The following SYNE2 variants were observed in gnomAD, a reference collection of about 807,000 sequenced individuals.
The protein encoded by SYNE2 is nesprin-2.
In SYNE2, 431 loss-of-function variants were observed where a neutral mutation model predicts 856.3. The ratio of observed to expected loss-of-function variants is 0.50; its 90% CI spans 0.47 to 0.55. SYNE2 has a LOEUF of 0.55. Among genes scored for constraint, SYNE2 ranks in the 20% least tolerant of loss-of-function variants. The pLI, the probability that SYNE2 is intolerant of heterozygous loss-of-function variation, is 0.00. For synonymous variants in SYNE2, 2,923 were observed against 2,872.3 expected (o/e 1.02, Z -0.56); for missense variants, 8,129 against 8,023.2 (o/e 1.01, Z -0.50).
intron 103 of SYNE2, among the ~76,000 whole-genome samples, chr14:64,210,424 C>T (rs1567654397): frequency 1.3e-5 from 2 of 152,276 alleles, no homozygotes; most frequent in South Asian, 2.1e-4. Context: ...GAGTCCAGGG[C>T]GCCGCTTCGC....
At chr14:64,104,164 T>G (rs1198602782) in intron 64 of SYNE2, among the ~76,000 whole-genome samples, 1 of 152,310 alleles carries the variant, frequency 6.6e-6, no homozygotes, top group East Asian at 1.9e-4. Flanking sequence ...CGGCCCCTTT[T>G]GTAATCTTGT....
At chr14:63,824,287 A>G (rs1463193057) in intron 1 of SYNE2, among the ~76,000 whole-genome samples, 1 of 151,658 alleles carries the variant, frequency 6.6e-6, no homozygotes, top group Non-Finnish European at 1.5e-5. Context: ...TCAAGGCTAC[A>G]GTGAGCTGTG....
chr14:64,023,547 C>T (rs2096953751), intron 38 of SYNE2: 1 of 152,394 alleles, frequency 6.6e-6, no homozygotes, highest in African/African-American at 2.4e-5. Flanking sequence ...CATCTTTTTC[C>T]AGTTATATTT....
At chr14:64,103,590 T>C (rs2097752328) in intron 64 of SYNE2, among the ~76,000 whole-genome samples, 3 of 152,132 alleles carry the variant, frequency 2.0e-5, no homozygotes. Context: ...CCCCTCCCCC[T>C]GCTCTCAGGC....
chr14:64,196,343 T>G (rs1480499779), intron 99 of SYNE2, among the ~76,000 whole-genome samples: 2 of 152,182 alleles, frequency 1.3e-5, no homozygotes, highest in Admixed American at 1.3e-4. Flanking sequence ...CCGAAGAAAC[T>G]GAGGCTATAA....
At chr14:64,027,364 G>A (rs2096988888) in intron 42 of SYNE2, 120 bp from the exon 43 acceptor site, 2 of 640,386 alleles carry the variant, frequency 3.1e-6, no homozygotes, top group Non-Finnish European at 5.2e-6. Flanking sequence ...AAGAGTCTCT[G>A]GGAACAATGT....
chr14:64,154,493 A>G (rs1437419227), intron 85 of SYNE2, among the ~76,000 whole-genome samples: 2 of 152,140 alleles, frequency 1.3e-5, no homozygotes, highest in Non-Finnish European at 2.9e-5. Context: ...AAATGACCAA[A>G]TGGAAAAAAT....
upstream of SYNE2, among the ~76,000 whole-genome samples, chr14:63,852,405 A>C (rs1184489095): frequency 6.6e-6 from 1 of 152,110 alleles, no homozygotes; most frequent in Non-Finnish European, 1.5e-5. Flanking sequence ...GATGTATGTC[A>C]GGTCGGACGA....
Position 64,225,609 on chromosome 14 carries a change from CTTAGTGTT to C in SYNE2, c.*84_*91del. On this transcript the variant is annotated 3_prime_UTR_variant, in exon 116 of 116. Coordinates refer to ENST00000555002, the MANE Select transcript of SYNE2 (RefSeq NM_182914.3). ...CGTGGCCCCAGACCAATCTGAGTGACTTAGTGTTGGCAAGGTCCCGGGACCTGTGCAGA... is the reference window on the plus strand; with the variant it reads ...CGTGGCCCCAGACCAATCTGAGTGACGGCAAGGTCCCGGGACCTGTGCAGA... 6.8e-7 allele frequency: 1 copy of C among 1,461,656 alleles called. No individual in the cohort carries two copies. Among genetic ancestry groups the C allele is most frequent in the Non-Finnish European group, 9.5e-7 (1 of 1,056,728 alleles). 90.5% of individuals were successfully genotyped at this position (1,461,656 alleles called of 1,614,324 possible).
In SYNE2 at chr14:64,212,965, G is replaced by T; in HGVS notation, c.19016G>T (p.Arg6339Met). ...CGCTACTGCCAGGAGGTGTTTGGAAGGGTCTCCCGGTTCCACCGGCGGCTC... is the reference window on the plus strand; with the variant it reads ...CGCTACTGCCAGGAGGTGTTTGGAATGGTCTCCCGGTTCCACCGGCGGCTC... The part of the protein sequence containing the change: ...LHRYCQEVFG[R>M]VSRFHRRLTS... Residue 6339 changes from arginine (R) to methionine (M), a missense_variant, in exon 105 of 116, where the codon AGG (arginine) becomes ATG (methionine). Arg to Met is a moderately conservative substitution (Grantham distance 91). Around this residue, in one of 3 missense-constraint regions of SYNE2, gnomAD observed 5,410 missense variants for 5,284.8 expected, o/e 1.02. Transcript: ENST00000555002. The T allele has an allele frequency of 6.2e-7, 1 of 1,614,082 alleles. No homozygotes were observed. Among genetic ancestry groups the T allele is most frequent in the Non-Finnish European group, 8.5e-7 (1 of 1,180,018 alleles).
chr14:64,167,025 C>T (rs879226506), intron 90 of SYNE2: 7 of 605,368 alleles, frequency 1.2e-5, no homozygotes, highest in East Asian at 2.8e-5. Context: ...GGGTGCTGGC[C>T]GTGTTGCAGG....
chr14:63,831,643 C>T (rs1042412728), intron 1 of SYNE2, among the ~76,000 whole-genome samples: 3 of 149,386 alleles, frequency 2.0e-5, no homozygotes, highest in Non-Finnish European at 3.0e-5. Context: ...GAAACCTCCA[C>T]CTCCTGGGTT....
At chr14:63,971,569 C>T (rs2096477465) in intron 11 of SYNE2, among the ~76,000 whole-genome samples, 1 of 151,418 alleles carries the variant, frequency 6.6e-6, no homozygotes, top group Non-Finnish European at 1.5e-5. Context: ...ATCCTCAGGA[C>T]CATGTTATCA....
In SYNE2 at chr14:63,978,088, C is replaced by G. The variant is rs540950239; in HGVS notation, c.1406+71C>G. 7 of 961,916 alleles carry G rather than the reference C, an allele frequency of 7.3e-6. No individual in the cohort carries two copies. The Admixed American group carries it at 1.2e-4, about 17-fold the overall frequency. The allele number at this position is 961,916 out of a possible 1,614,324, so 59.6% of individuals were successfully genotyped here. ...GAGTAACAACTGATACTACAGGGACCACAAAATACAGATTTTTAGATAATT... is the reference window on the plus strand; with the variant it reads ...GAGTAACAACTGATACTACAGGGACGACAAAATACAGATTTTTAGATAATT... On this transcript the variant is annotated intron_variant, in intron 13 of 115. Coordinates refer to ENST00000555002, the MANE Select transcript of SYNE2 (RefSeq NM_182914.3).
At chr14:64,214,150 G>A in intron 105 of SYNE2, 44 bp from the exon 106 acceptor site, 19 of 1,614,120 alleles carry the variant, frequency 1.2e-5, no homozygotes, top group Non-Finnish European at 1.5e-5. Context: ...AATTGCAGAA[G>A]CCTATGAGTT....
intron 96 of SYNE2, among the ~76,000 whole-genome samples, chr14:64,178,821 A>G (rs1332140983): frequency 6.6e-6 from 1 of 152,206 alleles, no homozygotes. Flanking sequence ...CTATAATCCC[A>G]GCACTTTGGG....
chr14:63,772,543 A>G (rs1256265149), intron 1 of SYNE2, among the ~76,000 whole-genome samples: 2 of 151,886 alleles, frequency 1.3e-5, no homozygotes, highest in African/African-American at 4.8e-5. Context: ...GGAGTTTGAG[A>G]CCAGCCTGGC....
chr14:64,010,196 G>A, intron 32 of SYNE2, 80 bp downstream of exon 32: 1 of 1,449,478 alleles, frequency 6.9e-7, no homozygotes, highest in Non-Finnish European at 9.5e-7. Context: ...TATAGATTAA[G>A]TCTTTTTTGA....
rs925059097 is a variant in SYNE2, at chr14:64,225,784, G to A, written c.*258G>A. The A allele has an allele frequency of 1.7e-6, 1 of 595,224 alleles. No homozygotes were observed. 36.9% of individuals were successfully genotyped at this position (595,224 alleles called of 1,614,324 possible). On this transcript the variant is annotated 3_prime_UTR_variant, in exon 116 of 116. Transcript: ENST00000555002. ...TAGTTGATTAGTTTAGGGATCTCTG[G>A]AAATGTCAGTTTCCTGAAGAGCCAA...
Sources: gnomAD v4.1 joint callset for allele counts (sites outside exome capture counted in the v4.1 genomes callset) on GRCh38, gnomAD v4.1.1 for gene constraint, gnomAD v4.1.1 regional missense constraint, MANE v1.5 for transcripts, NCBI Gene and HGNC (gene_info 2026-07-23, HGNC 2026-07-21) for gene names.